The following CFAP97D1 variants were observed in gnomAD, a reference collection of about 807,000 sequenced individuals.
The protein encoded by CFAP97D1 is CFAP97 domain containing 1.
CFAP97D1 carries 15 observed loss-of-function variants against 20.5 expected under a neutral mutation model. The ratio of observed to expected loss-of-function variants is 0.73; its 90% confidence interval spans 0.49 to 1.13. The LOEUF is 1.13. Ranked by LOEUF, CFAP97D1 falls within the 50% of genes most tolerant of loss-of-function variation. The pLI, the probability that CFAP97D1 is intolerant of heterozygous loss-of-function variation, is 0.00. For synonymous variants in CFAP97D1, 58 were observed against 71.2 expected, an observed-to-expected ratio of 0.82 and a Z score of 0.93; for missense variants, 168 against 202.9, an observed-to-expected ratio of 0.83 and a Z score of 1.04.
At chr17:43,781,265 T>G in intron 2 of CFAP97D1, 76 bp downstream of exon 2, 1 of 1,217,738 alleles carries the variant, frequency 8.2e-7, no homozygotes, top group South Asian at 1.3e-5. Context: ...GAGGTTCAAT[T>G]TCCCAGAGCC....
rs2044300864 is a variant in CFAP97D1 at position 43,787,620 on chromosome 17, A to C, written c.*3238A>C. 6.6e-6 allele frequency: 1 copy of C among 152,208 alleles called. No homozygotes were observed. 9.4% of individuals were successfully genotyped at this position (152,208 alleles called of 1,614,324 possible). ...TCTCAAAATAAAAAGCTTAAAAAAA[A>C]CAACATGCCTAAATACAAATTCATT... On this transcript the variant is annotated 3_prime_UTR_variant, in exon 6 of 6. Coordinates refer to ENST00000449302, the MANE Select transcript of CFAP97D1 (RefSeq NM_001136483.3).
At chr17:43,784,228 C>A (rs920508761) in intron 5 of CFAP97D1, among the ~76,000 whole-genome samples, 155 bp from the exon 6 acceptor site, 2 of 152,162 alleles carry the variant, frequency 1.3e-5, no homozygotes, top group Non-Finnish European at 2.9e-5. Context: ...TTCAAAAGTA[C>A]CAGCATGTTG....
intron 3 of CFAP97D1, among the ~76,000 whole-genome samples, chr17:43,782,489 A>G (rs560210625): frequency 1.9e-4 from 29 of 152,224 alleles, no homozygotes; most frequent in Non-Finnish European, 2.9e-4. Context: ...TCTGTTCCAT[A>G]GCACCATGGC....
chr17:43,783,765 CCCT>C (rs972223507), intron 4 of CFAP97D1, 69 bp from the exon 5 acceptor site: 2 of 1,152,770 alleles, frequency 1.7e-6, no homozygotes, highest in African/African-American at 3.1e-5. Context: ...TCTAAGTCAT[CCCT>C]GGGATTTAGA....
chr17:43,781,644 G>A (rs1974475411), intron 2 of CFAP97D1, 130 bp from the exon 3 acceptor site: 3 of 682,224 alleles, frequency 4.4e-6, no homozygotes, highest in Non-Finnish European at 7.7e-6. Flanking sequence ...TTTAAGTTCT[G>A]CTTCCAGTCT....
chr17:43,784,127 G>C (rs1356776191), intron 5 of CFAP97D1, among the ~76,000 whole-genome samples: 1 of 152,218 alleles, frequency 6.6e-6, no homozygotes, highest in Non-Finnish European at 1.5e-5. Flanking sequence ...GTGGGAGTCT[G>C]AGGGGAAGTG....
Position 43,781,157 on chromosome 17 carries a change from A to G in CFAP97D1, c.163A>G (p.Thr55Ala). The G allele has an allele frequency of 6.4e-7, 1 of 1,551,640 alleles. No homozygotes were observed. The highest frequency in any genetic ancestry group is 8.7e-7 in the Non-Finnish European group (1 of 1,146,966). The change falls in exon 2 of 6, where the codon ACA (threonine) becomes GCA (alanine). Residue 55 changes from threonine to alanine, a missense_variant. Transcript: ENST00000449302. ...TGATACCAAACCTCCAGTGGCGCACACAAATCACATTTTAAAATTGAGCAA... is the reference window on the plus strand; with the variant it reads ...TGATACCAAACCTCCAGTGGCGCACGCAAATCACATTTTAAAATTGAGCAA... ...TVDTKPPVAH[T>A]NHILKLSKLQ...
rs552213763 is a variant in CFAP97D1 at position 43,785,930 on chromosome 17, C to T, written c.*1548C>T. On this transcript the variant is annotated 3_prime_UTR_variant, in exon 6 of 6. Coordinates refer to ENST00000449302, the MANE Select transcript of CFAP97D1 (RefSeq NM_001136483.3). ...CCGCCTCTGGAGTCAAGGCCTGCCT[C>T]CCACCTCACTGGGATGCTGGTAGCA... The T allele has an allele frequency of 1.3e-5, 2 of 152,266 alleles. No individual in the cohort carries two copies. The highest frequency in any genetic ancestry group is 1.9e-4 in the East Asian group (1 of 5,180). The allele number at this position is 152,266 out of a possible 1,614,324, so 9.4% of individuals were successfully genotyped here. A position where few individuals can be genotyped will look rare whatever the true frequency, so the allele number is the denominator to read the frequency against.
Position 43,781,187 on chromosome 17 carries a change from C to A in CFAP97D1, c.193C>A (p.Gln65Lys). 6.4e-7 allele frequency: 1 copy of A among 1,550,536 alleles called. No homozygotes were observed. Among genetic ancestry groups the A allele is most frequent in the Non-Finnish European group, 8.7e-7 (1 of 1,146,044 alleles). The change falls in exon 2 of 6, where the codon CAG becomes AAG. Residue 65 changes from glutamine (Q) to lysine (K), a missense_variant and splice_region_variant. Physicochemically the swap from Gln to Lys is moderately conservative, Grantham distance 53. Transcript: ENST00000449302. The stretch of plus-strand genomic sequence containing the variant: ...TCACATTTTAAAATTGAGCAAACTA[C>A]AGGTATTTGTTCTTGCTGCTTGCAG... ...TNHILKLSKL[Q>K]GEQKKINKIE...
rs186131593 is a variant in CFAP97D1 at position 43,783,049 on chromosome 17, G to T, written c.315-131G>T. 2,202 of 1,149,154 alleles carry T rather than the reference G, an allele frequency of 1.9e-3. 6 individuals carry two copies. Among genetic ancestry groups the T allele is most frequent in the Non-Finnish European group, 2.5e-3 (1,992 of 810,318 alleles). The allele number at this position is 1,149,154 out of a possible 1,614,324, so 71.2% of individuals were successfully genotyped here. A position where few individuals can be genotyped will look rare whatever the true frequency, so the allele number is the denominator to read the frequency against. On this transcript the variant is annotated intron_variant, in intron 3 of 5. Transcript: ENST00000449302. ...GACCAACAGGCTGTCCCAGGGGCCT[G>T]TGGGCTCAGCAGGACAGTTTACTCC...
chr17:43,782,792 G>T (rs1974488033), intron 3 of CFAP97D1: 2 of 190,030 alleles, frequency 1.1e-5, no homozygotes, highest in Non-Finnish European at 2.2e-5. Flanking sequence ...GAGGAGTGAG[G>T]TGACCCAAAA....
chr17:43,781,909 T>C lies in CFAP97D1; in HGVS notation c.314+17T>C. The C allele has an allele frequency of 3.3e-6, 5 of 1,496,800 alleles. No individual in the cohort carries two copies. The highest frequency in any genetic ancestry group is 4.6e-6 in the Non-Finnish European group (5 of 1,096,926). The allele number at this position is 1,496,800 out of a possible 1,614,324, so 92.7% of individuals were successfully genotyped here. On this transcript the variant is annotated intron_variant, in intron 3 of 5. Coordinates refer to ENST00000449302, the MANE Select transcript of CFAP97D1 (RefSeq NM_001136483.3). ...TTCCAAGAGGTAATGTTCTTTGTCT[T>C]CATTTCAGTTTTGAAAAGTCAAAAT...
At chr17:43,783,738 T>C in intron 4 of CFAP97D1, 99 bp from the exon 5 acceptor site, 1 of 917,616 alleles carries the variant, frequency 1.1e-6, no homozygotes. Context: ...CTTACCGACT[T>C]TGGTCTTTAA....
In CFAP97D1 at chr17:43,781,203, C is replaced by T. The variant is rs764336663; in HGVS notation, c.195+14C>T. 6.5e-6 allele frequency: 10 copies of T among 1,544,570 alleles called. No homozygotes were observed. The highest frequency in any genetic ancestry group is 8.8e-6 in the Non-Finnish European group (10 of 1,140,834). On this transcript the variant is annotated intron_variant, in intron 2 of 5. Coordinates refer to ENST00000449302, the MANE Select transcript of CFAP97D1 (RefSeq NM_001136483.3). The stretch of plus-strand genomic sequence containing the variant: ...AGCAAACTACAGGTATTTGTTCTTG[C>T]TGCTTGCAGATGTGCAGATGTATTT...
rs758220443 is a variant in CFAP97D1 at position 43,780,555 on chromosome 17, C to T, written c.93C>T (p.His31=). 4.6e-5 allele frequency: 71 copies of T among 1,551,584 alleles called. No individual in the cohort carries two copies. The highest frequency in any genetic ancestry group is 5.9e-5 in the Non-Finnish European group (68 of 1,146,988). ...TTFRKKLDFG[H]YVSHKNRIQI... ...TCAGAAAGAAACTGGACTTTGGCCA[C>T]TACGTATCTCACAAGAATAGAATAC... The change falls in exon 1 of 6, where the codon CAC becomes CAT. Residue 31 remains histidine (H), a synonymous_variant. Transcript: ENST00000449302.
rs1017298833 is a variant in CFAP97D1 at position 43,784,522 on chromosome 17, T to C, written c.*140T>C. On this transcript the variant is annotated 3_prime_UTR_variant, in exon 6 of 6. Transcript: ENST00000449302. ...TGGAACATAAAATGCGTAAGTTACA[T>C]TTAGGGGACCCAAAGGCTTTATGTT... 1 of 152,204 alleles carries C rather than the reference T, an allele frequency of 6.6e-6. No individual in the cohort carries two copies. The highest frequency in any genetic ancestry group is 1.5e-5 in the Non-Finnish European group (1 of 68,040). The allele number at this position is 152,204 out of a possible 1,614,324, so 9.4% of individuals were successfully genotyped here.
At chr17:43,782,271 T>C (rs1363409942) in intron 3 of CFAP97D1, among the ~76,000 whole-genome samples, 1 of 152,168 alleles carries the variant, frequency 6.6e-6, no homozygotes, top group African/African-American at 2.4e-5. Context: ...AAGATCAAGG[T>C]GCCAGTAAAT....
Sources: allele counts gnomAD v4.1 joint callset (sites outside exome capture counted in the v4.1 genomes callset), GRCh38; gene constraint gnomAD v4.1.1; transcripts MANE v1.5; gene names NCBI Gene and HGNC (gene_info 2026-07-23, HGNC 2026-07-21).